Variants in PDE4D observed in about 807,000 individuals in gnomAD.
PDE4D encodes the protein phosphodiesterase 4D.
Under a neutral mutation model 87.4 loss-of-function variants are expected in PDE4D, and 24 were observed. That is an observed-to-expected ratio of 0.27 (90% CI 0.20 to 0.39). The LOEUF (loss-of-function observed/expected upper bound fraction) is 0.39. PDE4D is among the 10% of genes least tolerant of loss of function. The pLI is 1.00. For synonymous variants in PDE4D, 384 were observed against 383.2 expected, an observed-to-expected ratio of 1.00 and a Z score of -0.02; for missense variants, 714 against 1,041.0, an observed-to-expected ratio of 0.69 and a Z score of 4.32.
intron 2 of PDE4D, among the ~76,000 whole-genome samples, chr5:60,024,860 T>C (rs1405901130): frequency 6.6e-6 from 1 of 151,764 alleles, no homozygotes; most frequent in Non-Finnish European, 1.5e-5. Flanking sequence ...AGCAAAATCT[T>C]GGTTATGAGC....
chr5:59,836,327 T>C (rs1221479281), intron 1 of PDE4D, among the ~76,000 whole-genome samples: 2 of 152,054 alleles, frequency 1.3e-5, no homozygotes, highest in African/African-American at 4.8e-5. Context: ...ATCTCTAATT[T>C]TTCTTCAACA....
intron 1 of PDE4D, among the ~76,000 whole-genome samples, chr5:59,614,766 T>C (rs553325709): frequency 2.8e-4 from 42 of 152,312 alleles, no homozygotes; most frequent in Middle Eastern, 6.8e-3. Context: ...GGCATTTATC[T>C]GTAAATTGAT....
intron 1 of PDE4D, among the ~76,000 whole-genome samples, chr5:59,383,734 A>C (rs1349695353): frequency 2.6e-5 from 4 of 152,158 alleles, no homozygotes; most frequent in African/African-American, 9.7e-5. Flanking sequence ...AAAAATATAA[A>C]TTATACATAT....
At chr5:59,582,779 G>A (rs1014605525) in intron 1 of PDE4D, among the ~76,000 whole-genome samples, 2 of 152,190 alleles carry the variant, frequency 1.3e-5, no homozygotes, top group Non-Finnish European at 1.5e-5. Context: ...CATGTTGAGT[G>A]AAAGTGCCAC....
chr5:59,402,460 G>C (rs1386286510), intron 1 of PDE4D, among the ~76,000 whole-genome samples: 1 of 152,078 alleles, frequency 6.6e-6, no homozygotes, highest in Non-Finnish European at 1.5e-5. Context: ...AACGGTCAGG[G>C]GTAGCCAGTC....
rs903656660 is a variant in PDE4D, at chr5:59,744,865, A to G, written c.455+148303T>C. Among the ~76,000 whole-genome samples the G allele has an allele frequency of 2.6e-5, 4 of 152,266 alleles. 1 individual carries two copies. The highest frequency in any genetic ancestry group is 9.6e-5 in the African/African-American group (4 of 41,574). ...TGTTGTATTTTTTTCCTGGATAGCT[A>G]TGGTAACAAGCTTTATTTCTGAATG... is the stretch of plus-strand genomic sequence containing the variant. On this transcript the variant is annotated intron_variant, in intron 1 of 14. Coordinates refer to ENST00000340635, the MANE Select transcript of PDE4D (RefSeq NM_001104631.2).
intron 1 of PDE4D, among the ~76,000 whole-genome samples, chr5:60,464,678 C>T (rs969927348): frequency 1.3e-5 from 2 of 152,184 alleles, no homozygotes; most frequent in African/African-American, 4.8e-5. Flanking sequence ...CTGCCAAAAA[C>T]TCAACATAGC....
chr5:60,057,343 G>A (rs533888507), intron 2 of PDE4D, among the ~76,000 whole-genome samples: 2 of 152,126 alleles, frequency 1.3e-5, no homozygotes, highest in South Asian at 2.1e-4. Context: ...AGCCTTCTAG[G>A]TCATCTGCAA....
chr5:59,725,194 C>T (rs553034220), intron 1 of PDE4D, among the ~76,000 whole-genome samples: 68 of 152,146 alleles, frequency 4.5e-4, no homozygotes, highest in Non-Finnish European at 7.8e-4. Flanking sequence ...ACATCACCTC[C>T]TCAGGCAGCG....
rs568521094 is a variant in PDE4D at position 59,088,641 on chromosome 5, T to C, written c.809-49670A>G. On this transcript the variant is annotated intron_variant, in intron 5 of 14. Coordinates refer to ENST00000340635, the MANE Select transcript of PDE4D (RefSeq NM_001104631.2). ...AGCCATAAAAAAGAATGAGATAGTG[T>C]CCTTTCCAGGAACACTGATGGAGCT... Among the ~76,000 whole-genome samples the C allele has an allele frequency of 4.6e-5, 7 of 152,302 alleles. No homozygotes were observed. The South Asian group carries it at 1.5e-3, about 32-fold the overall frequency.
chr5:59,491,578 G>C (rs1806189300), intron 1 of PDE4D, among the ~76,000 whole-genome samples: 1 of 152,140 alleles, frequency 6.6e-6, no homozygotes, highest in Non-Finnish European at 1.5e-5. Flanking sequence ...AATAGTAACT[G>C]ATGCCTTGGT....
intron 1 of PDE4D, among the ~76,000 whole-genome samples, chr5:59,558,065 A>C (rs1269088786): frequency 2.0e-5 from 3 of 152,202 alleles, no homozygotes; most frequent in Non-Finnish European, 2.9e-5. Flanking sequence ...AGGAATGTTT[A>C]TAGATTTAGA....
rs112188710 is a variant in PDE4D at position 60,234,092 on chromosome 5, A to G, written c.-89-48405T>C. On this transcript the variant is annotated intron_variant, in intron 1 of 16. Coordinates refer to the PDE4D transcript ENST00000502484. ...AACATTTAAAACAACAGGTCCATTAACAATCACTCCCTCTTGTCCCAAACC... is the reference window on the plus strand; with the variant it reads ...AACATTTAAAACAACAGGTCCATTAGCAATCACTCCCTCTTGTCCCAAACC... 4.3e-4 allele frequency among the ~76,000 whole-genome samples: 66 copies of G among 151,958 alleles called. 2 individuals carry two copies. The highest frequency in any genetic ancestry group is 1.5e-3 in the African/African-American group (63 of 41,534).
At position 60,387,586 on chromosome 5, in the gene PDE4D, C is replaced by T. The variant is rs190310627; in HGVS notation, c.-90+100356G>A. 2.7e-3 allele frequency among the ~76,000 whole-genome samples: 404 copies of T among 152,342 alleles called. 1 individual carries two copies. Among genetic ancestry groups the T allele is most frequent in the Non-Finnish European group, 4.0e-3 (274 of 68,028 alleles). On this transcript the variant is annotated intron_variant, in intron 1 of 16. Transcript: ENST00000502484. Reference sequence around the variant, plus strand: ...GACCCCCTCTTTCCACTCCTATACCCTTTGGTGCTTTTTCCCTGGGGACCT... The same window carrying T: ...GACCCCCTCTTTCCACTCCTATACCTTTTGGTGCTTTTTCCCTGGGGACCT...
chr5:59,419,547 T>C (rs1473998979), intron 1 of PDE4D, among the ~76,000 whole-genome samples: 1 of 152,222 alleles, frequency 6.6e-6, no homozygotes, highest in African/African-American at 2.4e-5. Context: ...TGTATCCTTA[T>C]AGTTACATGT....
intron 1 of PDE4D, among the ~76,000 whole-genome samples, chr5:59,410,107 A>G (rs1269552963): frequency 6.6e-6 from 1 of 152,110 alleles, no homozygotes; most frequent in Non-Finnish European, 1.5e-5. Flanking sequence ...TTGCTTTTAA[A>G]TATGCAATAA....
chr5:59,484,641 T>G (rs1444660483), intron 1 of PDE4D, among the ~76,000 whole-genome samples: 1 of 152,198 alleles, frequency 6.6e-6, no homozygotes, highest in Non-Finnish European at 1.5e-5. Flanking sequence ...CCAAAGTTAC[T>G]GCACCTTCAT....
At chr5:59,401,642 A>C (rs1475114920) in intron 1 of PDE4D, among the ~76,000 whole-genome samples, 1 of 152,038 alleles carries the variant, frequency 6.6e-6, no homozygotes, top group Non-Finnish European at 1.5e-5. Flanking sequence ...AGGGGTTCTC[A>C]GTGGGTTATT....
intron 1 of PDE4D, chr5:60,430,185 C>T (rs1744097633): frequency 1.9e-6 from 1 of 522,712 alleles, no homozygotes; most frequent in African/African-American, 1.9e-5. Flanking sequence ...CATGAATGCA[C>T]TTATGAATGT....
Sources: gnomAD v4.1 joint callset for allele counts (sites outside exome capture counted in the v4.1 genomes callset) on GRCh38, gnomAD v4.1.1 for gene constraint, MANE v1.5 for transcripts, NCBI Gene and HGNC (gene_info 2026-07-23, HGNC 2026-07-21) for gene names.